CLPB: variants seen among roughly 807,000 people sequenced by gnomAD.
CLPB encodes the protein ClpB family mitochondrial disaggregase.
CLPB carries 40 observed loss-of-function variants against 78.4 expected under a neutral mutation model. The ratio of observed to expected loss-of-function variants is 0.51; its 90% CI spans 0.40 to 0.66. CLPB has a LOEUF of 0.66. Ranked by LOEUF, CLPB falls within the 30% of genes least tolerant of loss-of-function variation. CLPB has a pLI of 0.00. For synonymous variants in CLPB, 333 were observed against 348.0 expected (o/e 0.96, Z 0.48); for missense variants, 780 against 886.9 (o/e 0.88, Z 1.53).
intron 4 of CLPB, among the ~76,000 whole-genome samples, chr11:72,370,216 C>T (rs188099635): frequency 3.9e-5 from 6 of 152,262 alleles, no homozygotes; most frequent in Non-Finnish European, 7.4e-5. Flanking sequence ...AAGACTAGTT[C>T]TTTGCCACCC....
intron 4 of CLPB, among the ~76,000 whole-genome samples, chr11:72,372,196 G>C (rs1037794053): frequency 6.6e-6 from 1 of 152,148 alleles, no homozygotes; most frequent in Non-Finnish European, 1.5e-5. Flanking sequence ...GAGGGTTAAT[G>C]GTTTGCTACC....
At chr11:72,399,307 T>C (rs1042068241) in intron 3 of CLPB, among the ~76,000 whole-genome samples, 7 of 151,982 alleles carry the variant, frequency 4.6e-5, no homozygotes, top group African/African-American at 1.7e-4. Context: ...AAACAATAAA[T>C]CTATTTTCAG....
intron 5 of CLPB, among the ~76,000 whole-genome samples, chr11:72,332,044 AG>A (rs898367459): frequency 6.6e-6 from 1 of 152,232 alleles, no homozygotes; most frequent in African/African-American, 2.4e-5. Flanking sequence ...ATCCAGGTGA[AG>A]GAAACTTTTA....
In CLPB at chr11:72,296,429, A is replaced by C. The variant is rs551221599; in HGVS notation, c.1330-781T>G. Among the ~76,000 whole-genome samples the C allele has an allele frequency of 4.6e-5, 7 of 152,324 alleles. No homozygotes were observed. The South Asian group carries it at 1.5e-3, about 32-fold the overall frequency. Reference sequence around the variant, plus strand: ...TATACTGGAGAAAGATGCACCAAAGAAGGAGAAAAGGAGCAAACAGTATAG... The same window carrying C: ...TATACTGGAGAAAGATGCACCAAAGCAGGAGAAAAGGAGCAAACAGTATAG... On this transcript the variant is annotated intron_variant, in intron 11 of 15. Coordinates refer to ENST00000538039, the MANE Select transcript of CLPB (RefSeq NM_001258392.3).
rs539494083 is a variant in CLPB at position 72,417,444 on chromosome 11, G to A, written c.455+12868C>T. On this transcript the variant is annotated intron_variant, in intron 2 of 15. Transcript: ENST00000538039. ...CAACATCTAGGGGGAGAGGAGAATG[G>A]GGAGTAACTACTATTGGAACCAGAG... is the stretch of plus-strand genomic sequence containing the variant. Among the ~76,000 whole-genome samples the A allele has an allele frequency of 9.7e-4, 147 of 152,244 alleles. 1 individual carries two copies. Among genetic ancestry groups the A allele is most frequent in the African/African-American group, 3.5e-3 (146 of 41,542 alleles).
Position 72,293,543 on chromosome 11 carries a change from G to T in CLPB, c.1858C>A (p.Arg620Ser). The T allele has an allele frequency of 6.2e-7, 1 of 1,614,096 alleles. No homozygotes were observed. The highest frequency in any genetic ancestry group is 1.7e-5 in the Admixed American group (1 of 60,016). The stretch of plus-strand genomic sequence containing the variant: ...TTGTCTGAGTCCTCCACCGTGATGC[G>T]CAAAGTACAGCCCCCTGGCAGCAGG... ...QDLLPGGCTL[R>S]ITVEDSDKQL... The change falls in exon 16 of 16, where the codon CGC becomes AGC. Residue 620 changes from arginine (R) to serine (S), a missense_variant. Physicochemically the swap from Arg to Ser is moderately radical, Grantham distance 110 (BLOSUM62 -1). Coordinates refer to ENST00000538039, the MANE Select transcript of CLPB (RefSeq NM_001258392.3).
intron 6 of CLPB, among the ~76,000 whole-genome samples, chr11:72,323,581 A>AG (rs1565438174): frequency 1.3e-5 from 2 of 151,960 alleles, no homozygotes; most frequent in African/African-American, 2.4e-5. Flanking sequence ...AAAAAAAAAA[A>AG]AAGTCAAGGT....
chr11:72,365,313 C>A (rs992953595), intron 4 of CLPB, among the ~76,000 whole-genome samples: 2 of 152,094 alleles, frequency 1.3e-5, no homozygotes, highest in Non-Finnish European at 2.9e-5. Context: ...CAGAGCAAGA[C>A]CCTGTCTCAA....
intron 2 of CLPB, among the ~76,000 whole-genome samples, chr11:72,417,104 A>C (rs763096667): frequency 3.3e-5 from 5 of 152,262 alleles, no homozygotes; most frequent in Non-Finnish European, 5.9e-5. Context: ...ATACATTCAC[A>C]TAGAAATCTG....
At chr11:72,413,220 C>T (rs1362159557) in intron 2 of CLPB, among the ~76,000 whole-genome samples, 5 of 151,812 alleles carry the variant, frequency 3.3e-5, no homozygotes, top group African/African-American at 9.7e-5. Context: ...ACCCTGGAGG[C>T]GGAGGCTGCA....
At chr11:72,298,782 CCCAT>C (rs1246348274) in intron 11 of CLPB, among the ~76,000 whole-genome samples, 1 of 152,160 alleles carries the variant, frequency 6.6e-6, no homozygotes, top group East Asian at 1.9e-4. Flanking sequence ...ACAGGTGTGA[CCCAT>C]CATGCCTGGC....
At chr11:72,392,205 C>T (rs1187677874) in intron 3 of CLPB, among the ~76,000 whole-genome samples, 1 of 152,046 alleles carries the variant, frequency 6.6e-6, no homozygotes, top group Non-Finnish European at 1.5e-5. Flanking sequence ...CCCCACCCCC[C>T]ACATCTGAAG....
At chr11:72,387,712 C>T (rs1418764296) in intron 3 of CLPB, among the ~76,000 whole-genome samples, 1 of 151,832 alleles carries the variant, frequency 6.6e-6, no homozygotes, top group East Asian at 1.9e-4. Context: ...TTTGTATAAT[C>T]TCAGCAATAA....
At chr11:72,295,695 G>A in intron 11 of CLPB, 47 bp from the exon 12 acceptor site, 1 of 1,597,544 alleles carries the variant, frequency 6.3e-7, no homozygotes. Context: ...CTATGTGCCT[G>A]GGCAGGCCTT....
chr11:72,293,376 G>A lies in CLPB; in HGVS notation c.2025C>T (p.Asn675=), dbSNP rs2135483291. The A allele has an allele frequency of 6.2e-7, 1 of 1,613,958 alleles. No individual in the cohort carries two copies. Among genetic ancestry groups the A allele is most frequent in the Non-Finnish European group, 8.5e-7 (1 of 1,179,844 alleles). ...RAPLHPEKVC[N]TI Reference sequence around the variant, plus strand: ...AGCAGGCAGGTGGCTGCTAGATGGTGTTGCACACCTTCTCAGGGTGCAGTG... The same window carrying A: ...AGCAGGCAGGTGGCTGCTAGATGGTATTGCACACCTTCTCAGGGTGCAGTG... Residue 675 remains asparagine, a synonymous_variant, in exon 16 of 16, where the codon AAC becomes AAT. Coordinates refer to ENST00000538039, the MANE Select transcript of CLPB (RefSeq NM_001258392.3).
At chr11:72,393,651 T>C (rs1179975809) in intron 3 of CLPB, among the ~76,000 whole-genome samples, 3 of 152,126 alleles carry the variant, frequency 2.0e-5, no homozygotes, top group African/African-American at 7.2e-5. Context: ...TCCACACACA[T>C]AGGGCCTATA....
chr11:72,295,068 C>G (rs948282616), intron 12 of CLPB, among the ~76,000 whole-genome samples: 2 of 152,196 alleles, frequency 1.3e-5, no homozygotes, highest in Non-Finnish European at 2.9e-5. Flanking sequence ...TTTCAGCACT[C>G]TCCATGGCCC....
chr11:72,359,218 A>T, intron 4 of CLPB: 1 of 710,534 alleles, frequency 1.4e-6, no homozygotes, highest in Non-Finnish European at 2.5e-6. Flanking sequence ...GACATCTGTT[A>T]TGTGTTAGGA....
Position 72,373,818 on chromosome 11 carries a change from G to A in CLPB, c.646+6463C>T, listed in dbSNP as rs192934045. 1.8e-4 allele frequency among the ~76,000 whole-genome samples: 27 copies of A among 152,010 alleles called. No individual in the cohort carries two copies. The East Asian group carries it at 2.1e-3, about 12-fold the overall frequency. On this transcript the variant is annotated intron_variant, in intron 4 of 15. Transcript: ENST00000538039. ...AGTAAAATAAAAATAAAAATTAGCC[G>A]GGCGTGGTGGTGGCGCCAGTAATCC...
Sources: allele counts gnomAD v4.1 joint callset (sites outside exome capture counted in the v4.1 genomes callset), GRCh38; gene constraint gnomAD v4.1.1; transcripts MANE v1.5; gene names NCBI Gene and HGNC (gene_info 2026-07-23, HGNC 2026-07-21).